Variants in RP1 observed in about 807,000 individuals in gnomAD.
RP1 encodes oxygen-regulated protein 1.
RP1 carries 16 observed loss-of-function variants against 14.8 expected under a neutral mutation model. The observed-to-expected ratio is 1.08, with a 90% CI of 0.73 to 1.65. RP1 has a LOEUF of 1.65. Among genes scored for constraint, RP1 ranks in the 40% most tolerant of loss-of-function variants. The probability of loss-of-function intolerance (pLI) is 0.00; values close to 1 mark genes in which losing one functional copy is unlikely to be tolerated. For synonymous variants in RP1, 876 were observed against 883.6 expected (o/e 0.99, Z 0.15); for missense variants, 2,631 against 2,535.0 (o/e 1.04, Z -0.81).
At chr8:54,661,083 T>C (rs974413518) in intron 6 of RP1, among the ~76,000 whole-genome samples, 1 of 151,086 alleles carries the variant, frequency 6.6e-6, no homozygotes, top group African/African-American at 2.4e-5. Context: ...GGAGGCTAAG[T>C]CAGGTGGATC....
At chr8:54,637,035 A>G (rs919968646) in intron 3 of RP1, among the ~76,000 whole-genome samples, 8 of 151,990 alleles carry the variant, frequency 5.3e-5, no homozygotes, top group African/African-American at 1.9e-4. Context: ...CTGTCCTGTC[A>G]CCCTTCCAGG....
chr8:54,758,915 G>A (rs1162740583), intron 21 of RP1: 1 of 1,534,960 alleles, frequency 6.5e-7, no homozygotes, highest in South Asian at 1.2e-5. Flanking sequence ...TCTGTCTCCT[G>A]CACCAGATTG....
chr8:54,715,183 G>A (rs747368093), intron 15 of RP1, among the ~76,000 whole-genome samples: 1 of 152,236 alleles, frequency 6.6e-6, no homozygotes, highest in Non-Finnish European at 1.5e-5. Flanking sequence ...GCCAAATAGA[G>A]GGAAATGGGC....
intron 27 of RP1, among the ~76,000 whole-genome samples, chr8:54,860,469 C>A (rs1335225311): frequency 6.6e-6 from 1 of 152,130 alleles, no homozygotes; most frequent in African/African-American, 2.4e-5. Context: ...AAATTTGTAG[C>A]AAATTTGTAG....
intron 24 of RP1, among the ~76,000 whole-genome samples, chr8:54,789,718 G>C (rs912241286): frequency 1.3e-5 from 2 of 152,164 alleles, no homozygotes; most frequent in African/African-American, 4.8e-5. Context: ...ACCTAATCGT[G>C]GAGTGCAGCC....
At chr8:54,834,141 GACTT>G (rs1359087733) in intron 24 of RP1, among the ~76,000 whole-genome samples, 1 of 151,960 alleles carries the variant, frequency 6.6e-6, no homozygotes, top group African/African-American at 2.4e-5. Flanking sequence ...TGAAACTTAA[GACTT>G]AAGTTTAAAT....
chr8:54,731,746 A>G (rs1336564253), intron 17 of RP1, among the ~76,000 whole-genome samples: 1 of 152,196 alleles, frequency 6.6e-6, no homozygotes, highest in African/African-American at 2.4e-5. Flanking sequence ...CAAGCTGAAC[A>G]CATACACACA....
chr8:54,573,506 T>C (rs1444636357), intron 1 of RP1, among the ~76,000 whole-genome samples: 1 of 152,240 alleles, frequency 6.6e-6, no homozygotes, highest in Non-Finnish European at 1.5e-5. Flanking sequence ...GACTTTGATA[T>C]GAAACTAGGG....
chr8:54,804,709 A>T (rs940471174), intron 24 of RP1, among the ~76,000 whole-genome samples: 1 of 152,258 alleles, frequency 6.6e-6, no homozygotes, highest in African/African-American at 2.4e-5. Flanking sequence ...ACACCAATAC[A>T]TTAAATAACA....
intron 25 of RP1, among the ~76,000 whole-genome samples, chr8:54,851,684 A>C (rs1812064255): frequency 1.3e-5 from 2 of 152,236 alleles, no homozygotes; most frequent in South Asian, 4.1e-4. Context: ...GTAAGCCTGC[A>C]CAAAGAAACT....
chr8:54,611,953 C>T (rs536112516), upstream of RP1, among the ~76,000 whole-genome samples: 6 of 134,770 alleles, frequency 4.5e-5, no homozygotes, highest in East Asian at 9.4e-4. Flanking sequence ...TTTATTTGTA[C>T]GGTTTCTCTT....
chr8:54,592,269 C>T (rs534929220), intron 1 of RP1, among the ~76,000 whole-genome samples: 2 of 152,254 alleles, frequency 1.3e-5, no homozygotes, highest in African/African-American at 4.8e-5. Context: ...GGTACTTGTG[C>T]AATTTGGGAG....
chr8:54,847,448 T>A (rs919510753), intron 25 of RP1, among the ~76,000 whole-genome samples: 5 of 152,208 alleles, frequency 3.3e-5, no homozygotes, highest in African/African-American at 1.2e-4. Flanking sequence ...CCTGATATGT[T>A]TGCCAGAATG....
rs77239704 is a variant in RP1, at chr8:54,819,535, C to T, written c.3616-17915C>T. ...CTTGATGTTTGTAGATGATTGTTGA[C>T]GTCTGGGCATTGAATAATTAGGTAT... On this transcript the variant is annotated intron_variant, in intron 24 of 28. Coordinates refer to the RP1 transcript ENST00000637698. 1.2e-3 allele frequency among the ~76,000 whole-genome samples: 182 copies of T among 152,162 alleles called. 7 individuals are homozygous for T. In the South Asian group the frequency reaches 0.032, roughly 27 times the overall value.
intron 26 of RP1, among the ~76,000 whole-genome samples, chr8:54,854,049 T>C (rs1030423470): frequency 1.2e-4 from 19 of 152,100 alleles, no homozygotes; most frequent in Admixed American, 1.2e-3. Context: ...ATATACTATG[T>C]TCAGGGACTC....
chr8:54,610,055 G>C (rs922027923), intron 1 of RP1, among the ~76,000 whole-genome samples: 6 of 152,134 alleles, frequency 3.9e-5, no homozygotes, highest in African/African-American at 1.4e-4. Context: ...TCTCCTTCTA[G>C]TTTTCTTTTG....
chr8:54,670,715 A>G (rs1314161971), intron 7 of RP1, among the ~76,000 whole-genome samples: 5 of 133,624 alleles, frequency 3.7e-5, no homozygotes, highest in Non-Finnish European at 6.3e-5. Context: ...ATAAAACATT[A>G]AGTCCTGGTG....
intron 17 of RP1, among the ~76,000 whole-genome samples, chr8:54,730,865 A>G (rs1252304513): frequency 6.6e-6 from 1 of 152,122 alleles, no homozygotes; most frequent in Non-Finnish European, 1.5e-5. Context: ...GATTTCATCT[A>G]TTGCAAGATA....
At chr8:54,696,194 A>G (rs1277285257) in intron 12 of RP1, among the ~76,000 whole-genome samples, 1 of 152,210 alleles carries the variant, frequency 6.6e-6, no homozygotes, top group African/African-American at 2.4e-5. Flanking sequence ...CACATATAGT[A>G]AAGCAGGTAA....
Sources: allele counts gnomAD v4.1 joint callset (sites outside exome capture counted in the v4.1 genomes callset), GRCh38; gene constraint gnomAD v4.1.1; transcripts MANE v1.5; gene names NCBI Gene and HGNC (gene_info 2026-07-23, HGNC 2026-07-21).